PPP2R5C: variants seen among roughly 807,000 people sequenced by gnomAD.
PPP2R5C encodes protein phosphatase 2 regulatory subunit B'gamma, also known as serine/threonine-protein phosphatase 2A 56 kDa regulatory subunit gamma isoform.
A neutral mutation model predicts 68.9 loss-of-function variants in PPP2R5C; 7 were observed. The observed-to-expected ratio is 0.10, with a 90% confidence interval of 0.06 to 0.19. PPP2R5C has a LOEUF of 0.19. Ranked by LOEUF, PPP2R5C falls within the 10% of genes least tolerant of loss-of-function variation. The pLI, the probability that PPP2R5C is intolerant of heterozygous loss-of-function variation, is 1.00. For synonymous variants in PPP2R5C, 210 were observed against 222.2 expected, an observed-to-expected ratio of 0.95 and a Z score of 0.49; for missense variants, 348 against 641.3, an observed-to-expected ratio of 0.54 and a Z score of 4.94.
intron 8 of PPP2R5C, among the ~76,000 whole-genome samples, chr14:101,894,894 C>A (rs2045206938): frequency 6.6e-6 from 1 of 152,132 alleles, no homozygotes; most frequent in Non-Finnish European, 1.5e-5. Flanking sequence ...CTTGGTTTGA[C>A]AACATATTGA....
chr14:101,856,973 C>G, intron 2 of PPP2R5C, 88 bp downstream of exon 4: 1 of 1,264,182 alleles, frequency 7.9e-7, no homozygotes. Context: ...CAGTGCTACC[C>G]AGGAGAAGAA....
exon 14 of PPP2R5C, chr14:101,927,783 G>A (rs1382555442): frequency 1.3e-5 from 2 of 152,450 alleles, no homozygotes; most frequent in African/African-American, 2.4e-5. Context: ...GAAAATATCT[G>A]TAACTTTATG....
At chr14:101,787,696 G>A (rs1424419857) in intron 3 of PPP2R5C, among the ~76,000 whole-genome samples, 1 of 151,048 alleles carries the variant, frequency 6.6e-6, no homozygotes, top group Non-Finnish European at 1.5e-5. Context: ...GAACCCGGGA[G>A]GCAGAGCTTG....
intron 2 of PPP2R5C, among the ~76,000 whole-genome samples, chr14:101,874,906 AT>A (rs2043661272): frequency 6.6e-6 from 1 of 152,004 alleles, no homozygotes; most frequent in African/African-American, 2.4e-5. Context: ...TACTTGGCTA[AT>A]TTTTGTATTT....
In PPP2R5C at chr14:101,907,521, G is replaced by A. The variant is rs961623514; in HGVS notation, c.1151+992G>A. Among the ~76,000 whole-genome samples the A allele has an allele frequency of 4.6e-5, 7 of 152,178 alleles. No homozygotes were observed. The East Asian group carries it at 5.8e-4, about 13-fold the overall frequency. ...ATATTCCTGCTATTTAAAGAAATAC[G>A]ACTGAGTTTTTCTTTCCCCACCTTC... On this transcript the variant is annotated intron_variant, in intron 10 of 13. Transcript: ENST00000334743.
chr14:101,833,237 C>T (rs1044066300), intron 1 of PPP2R5C, among the ~76,000 whole-genome samples: 3 of 152,230 alleles, frequency 2.0e-5, no homozygotes, highest in African/African-American at 7.2e-5. Flanking sequence ...GTCCGCCCCT[C>T]GGCCAGCCGT....
At chr14:101,863,055 C>A (rs1447949546) in intron 2 of PPP2R5C, among the ~76,000 whole-genome samples, 1 of 152,078 alleles carries the variant, frequency 6.6e-6, no homozygotes, top group East Asian at 1.9e-4. Context: ...TGCCTGTAAT[C>A]CCAACACTTT....
At chr14:101,901,191 A>G (rs1371414904) in intron 8 of PPP2R5C, among the ~76,000 whole-genome samples, 1 of 152,194 alleles carries the variant, frequency 6.6e-6, no homozygotes, top group Non-Finnish European at 1.5e-5. Context: ...CACAACTAAA[A>G]TGTACACATG....
intron 2 of PPP2R5C, among the ~76,000 whole-genome samples, chr14:101,861,487 C>T (rs2042734856): frequency 6.6e-6 from 1 of 152,192 alleles, no homozygotes; most frequent in African/African-American, 2.4e-5. Context: ...ACATTGCGCA[C>T]CTTAGCAAGA....
At chr14:101,796,380 C>T (rs1415658917) in intron 3 of PPP2R5C, among the ~76,000 whole-genome samples, 1 of 152,168 alleles carries the variant, frequency 6.6e-6, no homozygotes, top group Non-Finnish European at 1.5e-5. Flanking sequence ...CGTGATTTGC[C>T]ATGATATCTT....
At chr14:101,818,826 T>C in intron 1 of PPP2R5C, 2 of 561,266 alleles carry the variant, frequency 3.6e-6, no homozygotes, top group South Asian at 4.9e-5. Flanking sequence ...TTCAGTAGAA[T>C]TTGAGCTGTT....
chr14:101,790,489 A>G (rs1377763024), intron 3 of PPP2R5C, among the ~76,000 whole-genome samples: 3 of 152,190 alleles, frequency 2.0e-5, no homozygotes, highest in Non-Finnish European at 2.9e-5. Flanking sequence ...TCTTCCGGAC[A>G]CTTCATATAA....
At chr14:101,853,944 G>C (rs1381398394) in intron 1 of PPP2R5C, among the ~76,000 whole-genome samples, 5 of 152,088 alleles carry the variant, frequency 3.3e-5, no homozygotes, top group South Asian at 4.1e-4. Context: ...AAATACACAG[G>C]CTGCGACAAC....
At chr14:101,795,522 T>A (rs994976213) in intron 3 of PPP2R5C, among the ~76,000 whole-genome samples, 3 of 152,136 alleles carry the variant, frequency 2.0e-5, no homozygotes, top group Non-Finnish European at 2.9e-5. Context: ...CTTTTTTTTT[T>A]AAGATACTTA....
At chr14:101,889,886 G>A in intron 5 of PPP2R5C, 1 of 447,820 alleles carries the variant, frequency 2.2e-6, no homozygotes, top group South Asian at 1.7e-5. Context: ...TGGATGAACA[G>A]ATGTGCGTGT....
At chr14:101,856,935 G>A (rs1228353400) in intron 2 of PPP2R5C, 50 bp downstream of exon 4, 5 of 1,548,940 alleles carry the variant, frequency 3.2e-6, no homozygotes, top group East Asian at 4.5e-5. Context: ...TTTATAAACA[G>A]GACAGGCCAA....
At chr14:101,816,127 T>C (rs2039651693) in intron 1 of PPP2R5C, among the ~76,000 whole-genome samples, 1 of 152,232 alleles carries the variant, frequency 6.6e-6, no homozygotes, top group African/African-American at 2.4e-5. Flanking sequence ...AAAAACCTGC[T>C]GAGCAGACGT....
At chr14:101,909,100 G>A (rs1458903293) in intron 10 of PPP2R5C, among the ~76,000 whole-genome samples, 6 of 152,184 alleles carry the variant, frequency 3.9e-5, no homozygotes, top group Non-Finnish European at 5.9e-5. Context: ...CTCTCCATGC[G>A]TGTCAGAGCC....
At chr14:101,872,288 A>G (rs2140791571) in intron 2 of PPP2R5C, among the ~76,000 whole-genome samples, 2 of 141,236 alleles carry the variant, frequency 1.4e-5, no homozygotes, top group South Asian at 4.4e-4. Context: ...TAGTGGTGCA[A>G]TCACGGCTCA....
Sources: gnomAD v4.1 joint callset for allele counts (sites outside exome capture counted in the v4.1 genomes callset) on GRCh38, gnomAD v4.1.1 for gene constraint, MANE v1.5 for transcripts, NCBI Gene and HGNC (gene_info 2026-07-23, HGNC 2026-07-21) for gene names.